GUCY1A2: variants seen among roughly 807,000 people sequenced by gnomAD.
GUCY1A2 encodes guanylate cyclase soluble subunit alpha-2.
GUCY1A2 carries 27 observed loss-of-function variants against 63.5 expected under a neutral mutation model. The ratio of observed to expected loss-of-function variants is 0.43; its 90% CI spans 0.31 to 0.59. The LOEUF (loss-of-function observed/expected upper bound fraction) is 0.59, where lower values mean the gene tolerates loss of function less well. Among genes scored for constraint, GUCY1A2 ranks in the 20% least tolerant of loss-of-function variants. The probability of loss-of-function intolerance (pLI) is 0.11; values close to 1 mark genes in which losing one functional copy is unlikely to be tolerated. For missense variants in GUCY1A2, 768 were observed against 913.3 expected, an observed-to-expected ratio of 0.84 and a Z score of 2.05; for synonymous variants, 364 against 343.5, an observed-to-expected ratio of 1.06 and a Z score of -0.66.
chr11:106,702,422 A>G lies in GUCY1A2; in HGVS notation c.1991+6090T>C, dbSNP rs1047993157. Among the ~76,000 whole-genome samples the G allele has an allele frequency of 5.9e-5, 9 of 152,186 alleles. No homozygotes were observed. The South Asian group carries it at 6.2e-4, about 10-fold the overall frequency. On this transcript the variant is annotated intron_variant, in intron 7 of 7. Coordinates refer to ENST00000526355, the MANE Select transcript of GUCY1A2 (RefSeq NM_000855.3). ...AATATTATAACTTCTTGAGTTTTGT[A>G]AGAGATGATATGTGGGTATCTGTGT...
At chr11:106,740,111 G>T (rs1863665771) in intron 6 of GUCY1A2, among the ~76,000 whole-genome samples, 1 of 149,746 alleles carries the variant, frequency 6.7e-6, no homozygotes, top group African/African-American at 2.5e-5. Flanking sequence ...TGATTCTCCT[G>T]CCTCAGCCTC....
intron 4 of GUCY1A2, among the ~76,000 whole-genome samples, chr11:106,811,029 C>A (rs557054939): frequency 1.3e-5 from 2 of 151,812 alleles, no homozygotes; most frequent in Non-Finnish European, 2.9e-5. Flanking sequence ...TTCTCTTATT[C>A]TTAAAAATAA....
chr11:106,743,251 A>G (rs1050462789), intron 6 of GUCY1A2, among the ~76,000 whole-genome samples: 8 of 152,126 alleles, frequency 5.3e-5, no homozygotes. Context: ...CAAATTCATA[A>G]TACATAAAGC....
At chr11:106,964,841 G>A (rs184314256) in intron 3 of GUCY1A2, among the ~76,000 whole-genome samples, 62 of 152,158 alleles carry the variant, frequency 4.1e-4, no homozygotes, top group African/African-American at 1.4e-3. Context: ...TTAGCTGGGC[G>A]TGGTGGCGGG....
intron 4 of GUCY1A2, among the ~76,000 whole-genome samples, chr11:106,885,060 G>A (rs1004159450): frequency 7.2e-5 from 11 of 152,178 alleles, no homozygotes; most frequent in African/African-American, 2.6e-4. Flanking sequence ...AATGCCCCCT[G>A]GAGTAGAAAT....
chr11:106,748,738 G>T (rs540701660), intron 6 of GUCY1A2, among the ~76,000 whole-genome samples: 2 of 151,958 alleles, frequency 1.3e-5, no homozygotes, highest in Admixed American at 6.6e-5. Context: ...TTTTTAATAC[G>T]CTAATATTTA....
chr11:106,864,378 A>T (rs1273733394), intron 4 of GUCY1A2, among the ~76,000 whole-genome samples: 1 of 152,174 alleles, frequency 6.6e-6, no homozygotes, highest in Middle Eastern at 3.4e-3. Context: ...AGACAATTTG[A>T]CTTCCTCTCT....
intron 1 of GUCY1A2, among the ~76,000 whole-genome samples, chr11:107,001,960 A>G (rs1222435337): frequency 6.6e-6 from 1 of 151,930 alleles, no homozygotes; most frequent in African/African-American, 2.4e-5. Flanking sequence ...CAGAGGTTGC[A>G]ATGAGCTGAG....
intron 3 of GUCY1A2, among the ~76,000 whole-genome samples, chr11:106,974,764 G>C (rs140653704): frequency 3.3e-5 from 5 of 152,210 alleles, no homozygotes; most frequent in Admixed American, 3.3e-4. Context: ...CTCTGACAGA[G>C]AGAGACCTTT....
chr11:106,723,209 G>A (rs940676181), intron 6 of GUCY1A2, among the ~76,000 whole-genome samples: 46 of 152,090 alleles, frequency 3.0e-4, no homozygotes, highest in Admixed American at 1.0e-3. Context: ...CTCCATGTCT[G>A]CGTATAAGTT....
chr11:106,997,412 G>A (rs957723821), intron 1 of GUCY1A2, among the ~76,000 whole-genome samples: 13 of 152,002 alleles, frequency 8.6e-5, no homozygotes, highest in South Asian at 8.3e-4. Flanking sequence ...ACATGACAGC[G>A]GACAGGCAAA....
chr11:106,792,293 GGAC>G (rs1864677712), intron 5 of GUCY1A2, among the ~76,000 whole-genome samples: 1 of 149,470 alleles, frequency 6.7e-6, no homozygotes, highest in Admixed American at 6.8e-5. Context: ...GGCTGAGGCA[GGAC>G]AATCACTTGA....
intron 6 of GUCY1A2, among the ~76,000 whole-genome samples, chr11:106,766,362 G>A (rs538747876): frequency 6.6e-6 from 1 of 152,198 alleles, no homozygotes; most frequent in African/African-American, 2.4e-5. Flanking sequence ...CAAGTTGAAT[G>A]AAGCTTATTC....
intron 5 of GUCY1A2, among the ~76,000 whole-genome samples, chr11:106,788,117 T>C (rs1231752462): frequency 4.6e-5 from 7 of 152,324 alleles, no homozygotes; most frequent in African/African-American, 1.7e-4. Flanking sequence ...TACTTTTGAT[T>C]TGCATTTCTC....
In GUCY1A2 at chr11:106,763,159, C is replaced by T. The variant is rs189916613; in HGVS notation, c.1836+13280G>A. Among the ~76,000 whole-genome samples the T allele has an allele frequency of 4.5e-4, 69 of 151,942 alleles. 2 individuals carry two copies. In the Middle Eastern group the frequency reaches 0.02, roughly 45 times the overall value. ...TTGGAAAATGTGAACAGATATAAAACTGTAAGATTAAAAATGGAAAAAGCT... is the reference window on the plus strand; with the variant it reads ...TTGGAAAATGTGAACAGATATAAAATTGTAAGATTAAAAATGGAAAAAGCT... On this transcript the variant is annotated intron_variant, in intron 6 of 7. Coordinates refer to ENST00000526355, the MANE Select transcript of GUCY1A2 (RefSeq NM_000855.3).
intron 3 of GUCY1A2, among the ~76,000 whole-genome samples, chr11:106,942,931 G>A (rs4627041): frequency 1.3e-5 from 2 of 152,142 alleles, no homozygotes; most frequent in South Asian, 2.1e-4. Flanking sequence ...CTAAAGTGAC[G>A]GTTGTATTAC....
At chr11:106,754,014 G>T (rs1015902428) in intron 6 of GUCY1A2, among the ~76,000 whole-genome samples, 4 of 152,026 alleles carry the variant, frequency 2.6e-5, no homozygotes, top group African/African-American at 4.8e-5. Context: ...ATTTGTTTGT[G>T]TCCTCTTTTA....
chr11:106,896,021 A>T (rs7944407), intron 4 of GUCY1A2, among the ~76,000 whole-genome samples: 104,206 of 145,246 alleles, frequency 0.72, 37,543 homozygotes, highest in Admixed American at 0.77. Context: ...AAAAAAAAAA[A>T]ATATATATAT....
intron 7 of GUCY1A2, among the ~76,000 whole-genome samples, chr11:106,697,401 C>G (rs1260838557): frequency 2.0e-5 from 3 of 152,162 alleles, no homozygotes; most frequent in Non-Finnish European, 4.4e-5. Flanking sequence ...TTTCAATTCT[C>G]TAGTTTAAAA....
Sources: allele counts gnomAD v4.1 joint callset (sites outside exome capture counted in the v4.1 genomes callset), GRCh38; gene constraint gnomAD v4.1.1; transcripts MANE v1.5; gene names NCBI Gene and HGNC (gene_info 2026-07-23, HGNC 2026-07-21).